Variants in TMEM114 observed in about 807,000 individuals in gnomAD.
The protein encoded by TMEM114 is claudin-26.
A neutral mutation model predicts 6.2 loss-of-function variants in TMEM114; 6 were observed. That is an observed-to-expected ratio of 0.97 (90% confidence interval 0.53 to 1.91). TMEM114 has a LOEUF of 1.91. TMEM114 is among the 40% of genes most tolerant of loss of function. TMEM114 has a pLI of 0.01. For missense variants in TMEM114, 218 were observed against 158.3 expected, an observed-to-expected ratio of 1.38 and a Z score of -2.02; for synonymous variants, 104 against 73.0, an observed-to-expected ratio of 1.42 and a Z score of -2.16.
Position 8,569,970 on chromosome 16 carries a change from C to G in TMEM114, c.475G>C (p.Ala159Pro). 6.4e-7 allele frequency: 1 copy of G among 1,550,940 alleles called. No individual in the cohort carries two copies. Among genetic ancestry groups the G allele is most frequent in the Non-Finnish European group, 8.7e-7 (1 of 1,146,932 alleles). The change falls in exon 4 of 4, where the codon GCG becomes CCG. Residue 159 changes from alanine to proline, a missense_variant. Transcript: ENST00000620492. Reference sequence around the variant, plus strand: ...TCCCGGAAGGCGGCGGCTGAATACGCTATGTAGACGCTGATCCCAGCGAGG... The same window carrying G: ...TCCCGGAAGGCGGCGGCTGAATACGGTATGTAGACGCTGATCCCAGCGAGG... ...VTLAGISVYI[A>P]YSAAAFREAL...
At chr16:8,550,782 C>T (rs891815427) in intron 2 of TMEM114, among the ~76,000 whole-genome samples, 3 of 152,054 alleles carry the variant, frequency 2.0e-5, no homozygotes, top group African/African-American at 7.2e-5. Context: ...TCACCTCCTG[C>T]CCACTCCCAT....
chr16:8,549,380 G>C (rs184580816), intron 2 of TMEM114, among the ~76,000 whole-genome samples: 2 of 151,356 alleles, frequency 1.3e-5, no homozygotes, highest in Admixed American at 1.3e-4. Context: ...GGCACCTGTA[G>C]TCTCAGCTAC....
intron 3 of TMEM114, among the ~76,000 whole-genome samples, chr16:8,570,749 C>A (rs553855542): frequency 8.4e-4 from 128 of 152,250 alleles, no homozygotes; most frequent in African/African-American, 2.8e-3. Flanking sequence ...CGGTGGTTCT[C>A]CACAGATATT....
chr16:8,570,039 C>A, intron 3 of TMEM114, 34 bp from the exon 4 acceptor site: 1 of 1,522,576 alleles, frequency 6.6e-7, no homozygotes, highest in Non-Finnish European at 8.9e-7. Flanking sequence ...CAGATCAATC[C>A]CCCACCCCGC....
rs1433182969 is a variant in TMEM114, at chr16:8,584,722, G to A, written c.301+4491C>T. On this transcript the variant is annotated intron_variant, in intron 2 of 3. Transcript: ENST00000620492. ...AGATCACCTGAGGTCAGGAGTTTGA[G>A]ATCAGCCTGGCCAACGTGGTGAAAC... Among the ~76,000 whole-genome samples the A allele has an allele frequency of 2.6e-5, 4 of 152,214 alleles. No individual in the cohort carries two copies. In the South Asian group the frequency reaches 8.3e-4, roughly 32 times the overall value.
intron 2 of TMEM114, among the ~76,000 whole-genome samples, chr16:8,563,347 A>AGTGAATGAGTGAGTG (rs1901355957): frequency 7.7e-5 from 3 of 39,084 alleles, no homozygotes; most frequent in South Asian, 8.5e-4. Context: ...ATGAGTGAGT[A>AGTGAATGAGTGAGTG]AATGAGTGAG....
chr16:8,567,066 ATTTTT>A (rs34500863), downstream of TMEM114, among the ~76,000 whole-genome samples: 1 of 144,372 alleles, frequency 6.9e-6, no homozygotes, highest in Non-Finnish European at 1.5e-5. Context: ...ACAGCTGGCT[ATTTTT>A]TTTTTTTTTG....
chr16:8,555,186 C>G (rs572266665), intron 2 of TMEM114, among the ~76,000 whole-genome samples: 2 of 152,338 alleles, frequency 1.3e-5, no homozygotes, highest in South Asian at 4.1e-4. Context: ...TTTCTGAGCA[C>G]CTCATACATC....
At chr16:8,543,074 T>C (rs1900560710) in intron 2 of TMEM114, among the ~76,000 whole-genome samples, 1 of 152,094 alleles carries the variant, frequency 6.6e-6, no homozygotes, top group African/African-American at 2.4e-5. Flanking sequence ...TCGAAAACTT[T>C]TAATTAATTT....
Position 8,589,928 on chromosome 16 carries a change from C to T in TMEM114, c.-90G>A, listed in dbSNP as rs1902433951. ...CCCGTCCCCAGCCGGCCACCGCGGG[C>T]TCCCAGCTCCACCGCCGCCAGAGCC... On this transcript the variant is annotated 5_prime_UTR_variant, in exon 1 of 4. Transcript: ENST00000620492. 2 of 390,042 alleles carry T rather than the reference C, an allele frequency of 5.1e-6. No homozygotes were observed. Among genetic ancestry groups the T allele is most frequent in the Non-Finnish European group, 9.0e-6 (2 of 221,072 alleles). 24.2% of individuals were successfully genotyped at this position (390,042 alleles called of 1,614,324 possible). A position where few individuals can be genotyped will look rare whatever the true frequency, so the allele number is the denominator to read the frequency against.
At chr16:8,542,701 C>G (rs912830802) in intron 2 of TMEM114, among the ~76,000 whole-genome samples, 1 of 152,048 alleles carries the variant, frequency 6.6e-6, no homozygotes, top group Non-Finnish European at 1.5e-5. Context: ...AAGCACTACA[C>G]TAAATGAGCC....
intron 2 of TMEM114, among the ~76,000 whole-genome samples, chr16:8,574,835 C>A (rs1296193707): frequency 6.6e-6 from 1 of 152,118 alleles, no homozygotes; most frequent in Non-Finnish European, 1.5e-5. Flanking sequence ...GATTAAACGC[C>A]TGGGTAAGAG....
At chr16:8,560,768 C>T (rs1901172547) in intron 2 of TMEM114, among the ~76,000 whole-genome samples, 1 of 152,152 alleles carries the variant, frequency 6.6e-6, no homozygotes, top group South Asian at 2.1e-4. Flanking sequence ...CCATCAGCCC[C>T]AACGTTCACC....
downstream of TMEM114, among the ~76,000 whole-genome samples, chr16:8,534,459 G>A (rs915474445): frequency 2.6e-5 from 4 of 152,140 alleles, no homozygotes; most frequent in Admixed American, 2.0e-4. Flanking sequence ...ATTGCTTTGA[G>A]GGCTAATCAT....
intron 2 of TMEM114, chr16:8,537,939 A>G (rs903850279): frequency 6.6e-6 from 1 of 152,134 alleles, no homozygotes; most frequent in African/African-American, 2.4e-5. Context: ...TATTTGCATA[A>G]AACAAGAGAG....
intron 2 of TMEM114, among the ~76,000 whole-genome samples, chr16:8,544,832 C>T (rs759074783): frequency 6.6e-6 from 1 of 152,092 alleles, no homozygotes; most frequent in Non-Finnish European, 1.5e-5. Context: ...AATAGCTGCA[C>T]CCAGGAAAAC....
intron 2 of TMEM114, among the ~76,000 whole-genome samples, chr16:8,588,134 A>G (rs1902371817): frequency 6.6e-6 from 1 of 152,052 alleles, no homozygotes; most frequent in Non-Finnish European, 1.5e-5. Flanking sequence ...AGAAATATGA[A>G]AAATTAGCCC....
intron 2 of TMEM114, among the ~76,000 whole-genome samples, chr16:8,579,419 C>G (rs937957403): frequency 6.6e-6 from 1 of 152,066 alleles, no homozygotes; most frequent in African/African-American, 2.4e-5. Flanking sequence ...CTATGCAGCC[C>G]TGTTATGCCT....
rs192236389 is a variant in TMEM114 at position 8,542,289 on chromosome 16, C to T, written n.213-4463G>A. On this transcript the variant is annotated intron_variant and non_coding_transcript_variant, in intron 2 of 2. Transcript: ENST00000623677. ...AGAACCTCTACTGAAGTGTTCTTTT[C>T]CCTGTTTTAACATCTTACAAGAGAT... Among the ~76,000 whole-genome samples, 364 of 152,298 alleles carry T rather than the reference C, an allele frequency of 2.4e-3. 1 individual carries two copies. The highest frequency in any genetic ancestry group is 8.2e-3 in the African/African-American group (342 of 41,568).
Sources: gnomAD v4.1 joint callset for allele counts (sites outside exome capture counted in the v4.1 genomes callset) on GRCh38, gnomAD v4.1.1 for gene constraint, MANE v1.5 for transcripts, NCBI Gene and HGNC (gene_info 2026-07-23, HGNC 2026-07-21) for gene names.